Variants in ABCA4 observed in about 807,000 individuals in gnomAD.
ABCA4 encodes ATP binding cassette subfamily A member 4, also known as retinal-specific phospholipid-transporting ATPase ABCA4.
ABCA4 carries 196 observed loss-of-function variants against 263.7 expected under a neutral mutation model. The observed-to-expected ratio is 0.74, with a 90% CI of 0.66 to 0.84. The LOEUF (loss-of-function observed/expected upper bound fraction) is 0.84. Among genes scored for constraint, ABCA4 ranks in the 40% least tolerant of loss-of-function variants. The probability of loss-of-function intolerance (pLI) is 0.00; values close to 1 mark genes in which losing one functional copy is unlikely to be tolerated. For missense variants in ABCA4, 2,792 were observed against 2,855.1 expected (o/e 0.98, Z 0.50); for synonymous variants, 1,133 against 1,094.2 (o/e 1.04, Z -0.70).
At chr1:94,005,277 T>A in intron 44 of ABCA4, 164 bp downstream of exon 44, 1 of 900,956 alleles carries the variant, frequency 1.1e-6, no homozygotes, top group Non-Finnish European at 1.7e-6. Context: ...ATACTCCTGG[T>A]TTCTAGAACA....
intron 20 of ABCA4, among the ~76,000 whole-genome samples, chr1:94,043,929 G>A (rs1034614445): frequency 3.2e-4 from 49 of 152,250 alleles, no homozygotes; most frequent in African/African-American, 1.1e-3. Flanking sequence ...TCTCTGAGTA[G>A]TGAAATTACA....
chr1:94,109,375 C>G (rs4147813), intron 3 of ABCA4, among the ~76,000 whole-genome samples: 2 of 152,148 alleles, frequency 1.3e-5, no homozygotes, highest in Non-Finnish European at 2.9e-5. Flanking sequence ...CACCCATTCA[C>G]GCAGGTAGGC....
chr1:94,019,858 C>A, intron 35 of ABCA4, 99 bp from the exon 36 acceptor site: 2 of 1,335,928 alleles, frequency 1.5e-6, no homozygotes, highest in Non-Finnish European at 2.1e-6. Flanking sequence ...CTTACACCCG[C>A]CCAGGTGTGG....
At chr1:94,110,909 C>G (rs1357713842) in intron 3 of ABCA4, among the ~76,000 whole-genome samples, 1 of 152,142 alleles carries the variant, frequency 6.6e-6, no homozygotes, top group East Asian at 1.9e-4. Context: ...CTCCAGGGGG[C>G]CGATGGCAAT....
chr1:94,110,968 G>C (rs3827713), intron 3 of ABCA4, among the ~76,000 whole-genome samples: 74,719 of 152,086 alleles, frequency 0.49, 18,650 homozygotes, highest in East Asian at 0.66. Context: ...AAGTAAACTT[G>C]ACTTTGTAAA....
At chr1:94,043,641 C>T (rs1226472007) in intron 20 of ABCA4, among the ~76,000 whole-genome samples, 166 bp from the exon 21 acceptor site, 2 of 152,118 alleles carry the variant, frequency 1.3e-5, no homozygotes, top group Admixed American at 6.5e-5. Flanking sequence ...GCTTAAATAT[C>T]TAATAAGAGG....
chr1:94,108,786 AT>A lies in ABCA4; in HGVS notation c.303-71del, dbSNP rs4147877. 0.21 allele frequency: 230,976 copies of A among 1,119,540 alleles called. 7,919 individuals are homozygous for A. Among genetic ancestry groups the A allele is most frequent in the African/African-American group, 0.38 (24,831 of 65,176 alleles). The allele number at this position is 1,119,540 out of a possible 1,614,324, so 69.4% of individuals were successfully genotyped here. A position where few individuals can be genotyped will look rare whatever the true frequency, so the allele number is the denominator to read the frequency against. ...TATAACAGTAATAATATCTCATGCT[AT>A]TTTTTTTTTTTATCTCGCTCTGTCA... On this transcript the variant is annotated intron_variant, in intron 3 of 49. Coordinates refer to ENST00000370225, the MANE Select transcript of ABCA4 (RefSeq NM_000350.3).
chr1:94,079,393 C>T lies in ABCA4; in HGVS notation c.1168G>A (p.Ala390Thr). The change falls in exon 9 of 50, where the codon GCA (alanine) becomes ACA (threonine). Residue 390 changes from alanine (A) to threonine (T), a missense_variant. Transcript: ENST00000370225. ...ATTTTTCCCATCAGCAAAGGCTTTG[C>T]CGCCCTCCAAGCGATTTTGGTTAAA... is the stretch of plus-strand genomic sequence containing the variant. ...NPLTKIAWRA[A>T]KPLLMGKILY... 1 of 1,614,182 alleles carries T rather than the reference C, an allele frequency of 6.2e-7. No homozygotes were observed. The highest frequency in any genetic ancestry group is 8.5e-7 in the Non-Finnish European group (1 of 1,180,036).
At position 94,030,978 on chromosome 1, in the gene ABCA4, G is replaced by A. The variant is rs372978983; in HGVS notation, c.4253+18C>T. 6.2e-7 allele frequency: 1 copy of A among 1,613,698 alleles called. No individual in the cohort carries two copies. The highest frequency in any genetic ancestry group is 1.3e-5 in the African/African-American group (1 of 74,890). On this transcript the variant is annotated intron_variant, in intron 28 of 49. Transcript: ENST00000370225. ...CCCCAAACCCACAGAGGAGAATGGT[G>A]ACCCCGAGTCCGCGCACCTGAAGAA...
chr1:94,112,844 C>G (rs1286329232), intron 2 of ABCA4, 129 bp downstream of exon 2: 2 of 755,908 alleles, frequency 2.6e-6, no homozygotes, highest in East Asian at 5.0e-5. Flanking sequence ...AAATCTGTTA[C>G]ATGCATCATA....
At position 93,997,901 on chromosome 1, in the gene ABCA4, A is replaced by C; in HGVS notation, c.6689T>G (p.Leu2230Arg). Residue 2230 changes from leucine (L) to arginine (R), a missense_variant, in exon 48 of 50, where the codon CTC becomes CGC. By Grantham distance (102) the Leu-to-Arg change is moderately radical. Coordinates refer to ENST00000370225, the MANE Select transcript of ABCA4 (RefSeq NM_000350.3). ...CTGTGTGACTGAGTACTCCTCGATG[A>C]GCAGGCTGTCCTTGTGGGAGAGGAG... ...QLLLSHKDSL[L>R]IEEYSVTQTT... 1 of 1,614,074 alleles carries C rather than the reference A, an allele frequency of 6.2e-7. No homozygotes were observed. The highest frequency in any genetic ancestry group is 8.5e-7 in the Non-Finnish European group (1 of 1,179,990).
chr1:94,004,152 T>C (rs1659304378), intron 44 of ABCA4, among the ~76,000 whole-genome samples: 1 of 152,148 alleles, frequency 6.6e-6, no homozygotes, highest in Non-Finnish European at 1.5e-5. Context: ...GGAAGACAGA[T>C]ACACACATGC....
At chr1:94,120,690 G>A (rs1206587931) in intron 1 of ABCA4, among the ~76,000 whole-genome samples, 3 of 151,542 alleles carry the variant, frequency 2.0e-5, no homozygotes, top group African/African-American at 7.3e-5. Context: ...GGTGTAAAAC[G>A]GGGGGTGGGG....
At chr1:94,009,949 CG>C (rs1367804424) in intron 40 of ABCA4, among the ~76,000 whole-genome samples, 1 of 152,194 alleles carries the variant, frequency 6.6e-6, no homozygotes, top group African/African-American at 2.4e-5. Flanking sequence ...TTTCATCAGG[CG>C]TGTGTTGACA....
At chr1:94,074,622 T>C (rs1661489451) in intron 11 of ABCA4, among the ~76,000 whole-genome samples, 1 of 152,124 alleles carries the variant, frequency 6.6e-6, no homozygotes, top group Non-Finnish European at 1.5e-5. Context: ...ATCTGACAAA[T>C]GGGTATCTAT....
intron 11 of ABCA4, among the ~76,000 whole-genome samples, chr1:94,072,480 C>A (rs190665967): frequency 6.6e-6 from 1 of 152,140 alleles, no homozygotes; most frequent in Non-Finnish European, 1.5e-5. Flanking sequence ...CAGGCCTAAC[C>A]TTTTGCTAAA....
intron 16 of ABCA4, among the ~76,000 whole-genome samples, chr1:94,052,076 T>G (rs1660854821): frequency 1.3e-5 from 2 of 152,166 alleles, no homozygotes; most frequent in African/African-American, 4.8e-5. Flanking sequence ...GTGAGTGCTT[T>G]CCATGTGTTA....
Position 94,056,660 on chromosome 1 carries a change from G to A in ABCA4, c.2323C>T (p.Pro775Ser). ...TGCCAGGCGAAGCACAGGATGTGTG[G>A]CAGGTAGAGGGTGAAATAGATGACA... ...SGVIYFTLYLPHILCFAWQDR... is the reference protein window; with the variant it reads ...SGVIYFTLYLSHILCFAWQDR... Residue 775 changes from proline to serine, a missense_variant, in exon 15 of 50, where the codon CCA (proline) becomes TCA (serine). Physicochemically the swap from Pro to Ser is moderately conservative, Grantham distance 74 (BLOSUM62 -1). Coordinates refer to ENST00000370225, the MANE Select transcript of ABCA4 (RefSeq NM_000350.3). 1 of 1,614,074 alleles carries A rather than the reference G, an allele frequency of 6.2e-7. No homozygotes were observed. Among genetic ancestry groups the A allele is most frequent in the African/African-American group, 1.3e-5 (1 of 75,064 alleles).
chr1:94,073,531 ATG>A (rs147007120), intron 11 of ABCA4, among the ~76,000 whole-genome samples: 362 of 152,274 alleles, frequency 2.4e-3, no homozygotes, highest in African/African-American at 8.4e-3. Flanking sequence ...TGCTTACTAT[ATG>A]TCAGTGCTTT....
Sources: allele counts gnomAD v4.1 joint callset (sites outside exome capture counted in the v4.1 genomes callset), GRCh38; gene constraint gnomAD v4.1.1; transcripts MANE v1.5; gene names NCBI Gene and HGNC (gene_info 2026-07-23, HGNC 2026-07-21).